FAM117A: variants seen among roughly 807,000 people sequenced by gnomAD.
FAM117A encodes the protein protein FAM117A.
A neutral mutation model predicts 44.1 loss-of-function variants in FAM117A; 21 were observed. The ratio of observed to expected loss-of-function variants is 0.48; its 90% CI spans 0.34 to 0.69. FAM117A has a LOEUF of 0.69. Among genes scored for constraint, FAM117A ranks in the 30% least tolerant of loss-of-function variants. FAM117A has a pLI of 0.01. For synonymous variants in FAM117A, 220 were observed against 238.3 expected (o/e 0.92, Z 0.71); for missense variants, 498 against 589.9 (o/e 0.84, Z 1.61).
At chr17:49,764,378 G>C (rs1314471328), upstream of FAM117A, among the ~76,000 whole-genome samples, 1 of 152,184 alleles carries the variant, frequency 6.6e-6, no homozygotes, top group Non-Finnish European at 1.5e-5. Context: ...GTACAGAAGA[G>C]GGCTGGTTCT....
At chr17:49,769,221 G>A (rs1299069034) in intron 1 of FAM117A, among the ~76,000 whole-genome samples, 1 of 152,048 alleles carries the variant, frequency 6.6e-6, no homozygotes, top group Non-Finnish European at 1.5e-5. Context: ...CTTGAACCCG[G>A]GAGGCGGAGG....
intron 1 of FAM117A, among the ~76,000 whole-genome samples, chr17:49,752,248 T>C (rs2073680592): frequency 6.6e-6 from 1 of 152,182 alleles, no homozygotes; most frequent in Admixed American, 6.5e-5. Flanking sequence ...CTATTTCCCT[T>C]ACTGGGCACA....
chr17:49,732,383 T>G, intron 2 of FAM117A, 168 bp downstream of exon 2: 1 of 620,022 alleles, frequency 1.6e-6, no homozygotes, highest in Non-Finnish European at 2.7e-6. Flanking sequence ...CCAGCCTGGG[T>G]GACAAAAGGA....
At chr17:49,767,417 C>G (rs2073748626), upstream of FAM117A, among the ~76,000 whole-genome samples, 1 of 152,212 alleles carries the variant, frequency 6.6e-6, no homozygotes, top group Non-Finnish European at 1.5e-5. Flanking sequence ...GTGCCAGACA[C>G]TGAGCTAGGC....
intron 2 of FAM117A, among the ~76,000 whole-genome samples, chr17:49,724,822 G>GAAAAAAAAAAAAAAAA (rs906558600): frequency 4.6e-5 from 2 of 43,548 alleles, no homozygotes; most frequent in African/African-American, 8.1e-5. Context: ...ACAGTCTCAA[G>GAAAAAAAAAAAAAAAA]AAAAAAAAAA....
intron 1 of FAM117A, among the ~76,000 whole-genome samples, chr17:49,757,023 C>G (rs2073701717): frequency 6.6e-6 from 1 of 152,146 alleles, no homozygotes; most frequent in Admixed American, 6.5e-5. Context: ...CAGACAGTCT[C>G]TGAGAGAAAA....
At chr17:49,747,687 A>G (rs2073659331) in intron 1 of FAM117A, among the ~76,000 whole-genome samples, 1 of 152,176 alleles carries the variant, frequency 6.6e-6, no homozygotes, top group South Asian at 2.1e-4. Context: ...AGCTTCAAAA[A>G]GGGGAGATAC....
At chr17:49,772,810 A>G (rs2073765019) in intron 1 of FAM117A, among the ~76,000 whole-genome samples, 1 of 152,198 alleles carries the variant, frequency 6.6e-6, no homozygotes, top group Admixed American at 6.5e-5. Flanking sequence ...TAATTTGAAA[A>G]GTGGTCTATG....
chr17:49,755,673 C>T (rs903602640), intron 1 of FAM117A, among the ~76,000 whole-genome samples: 1 of 152,166 alleles, frequency 6.6e-6, no homozygotes. Flanking sequence ...GCCCAATGAC[C>T]AGGATGAATA....
chr17:49,766,083 ATACTT>A (rs1358814212), upstream of FAM117A, among the ~76,000 whole-genome samples: 1 of 152,220 alleles, frequency 6.6e-6, no homozygotes, highest in Non-Finnish European at 1.5e-5. Flanking sequence ...AGTACCATGC[ATACTT>A]TATCTTATTT....
intron 1 of FAM117A, among the ~76,000 whole-genome samples, chr17:49,756,898 T>C (rs1377820412): frequency 1.5e-5 from 2 of 132,116 alleles, no homozygotes; most frequent in East Asian, 2.2e-4. Flanking sequence ...GCTTGAGCTA[T>C]AGAATGAGAC....
chr17:49,753,324 C>T (rs988993261), intron 1 of FAM117A, among the ~76,000 whole-genome samples: 6 of 152,304 alleles, frequency 3.9e-5, no homozygotes, highest in African/African-American at 1.4e-4. Flanking sequence ...GTGGGAAATG[C>T]CCTTTGCCTA....
intron 1 of FAM117A, among the ~76,000 whole-genome samples, chr17:49,753,339 A>G (rs2073684754): frequency 6.6e-6 from 1 of 152,238 alleles, no homozygotes; most frequent in South Asian, 2.1e-4. Context: ...TGCCTAATTA[A>G]GCAAAAGGGG....
rs187344552 is a variant in FAM117A at position 49,760,553 on chromosome 17, G to A, written c.196+3339C>T. 4.8e-3 allele frequency among the ~76,000 whole-genome samples: 738 copies of A among 152,310 alleles called. 3 individuals are homozygous for A. Among genetic ancestry groups the A allele is most frequent in the Non-Finnish European group, 7.9e-3 (538 of 68,026 alleles). ...TGTAGACCATAACTGCCAATCCCTG[G>A]TTAAAGAAGGTTCTGGTGGTCAGAG... On this transcript the variant is annotated intron_variant, in intron 1 of 7. Coordinates refer to ENST00000240364, the MANE Select transcript of FAM117A (RefSeq NM_030802.4).
upstream of FAM117A, among the ~76,000 whole-genome samples, chr17:49,766,133 T>A (rs913659187): frequency 9.9e-5 from 15 of 152,240 alleles, no homozygotes; most frequent in African/African-American, 3.6e-4. Context: ...ATGGGTATTA[T>A]TTCCTCTTCA....
intron 1 of FAM117A, among the ~76,000 whole-genome samples, chr17:49,754,592 C>T (rs2073690739): frequency 1.3e-5 from 2 of 152,028 alleles, no homozygotes; most frequent in South Asian, 4.2e-4. Context: ...GCGTGAGCCA[C>T]CGTGCCCGGC....
At chr17:49,748,864 A>G (rs918018886) in intron 1 of FAM117A, among the ~76,000 whole-genome samples, 3 of 152,226 alleles carry the variant, frequency 2.0e-5, no homozygotes, top group African/African-American at 7.2e-5. Flanking sequence ...GAGTACAAAC[A>G]GGTGCATAAC....
chr17:49,723,513 G>A (rs1050671909), intron 2 of FAM117A, among the ~76,000 whole-genome samples: 2 of 152,198 alleles, frequency 1.3e-5, no homozygotes, highest in Non-Finnish European at 2.9e-5. Flanking sequence ...CAAGGGAGGG[G>A]CCCAAGGGGG....
rs780084120 is a variant in FAM117A at position 49,720,309 on chromosome 17, T to A, written c.573+17A>T. ...TGGAGGAGAACAGAGGGGAGAGGGC[T>A]GGGGGAGAAAACATACCCTCAGTGC... is the stretch of plus-strand genomic sequence containing the variant. On this transcript the variant is annotated intron_variant, in intron 4 of 7. Transcript: ENST00000240364. The A allele has an allele frequency of 3.1e-6, 5 of 1,597,202 alleles. No individual in the cohort carries two copies. In the Admixed American group the frequency reaches 8.3e-5, roughly 27 times the overall value.
Sources: allele counts gnomAD v4.1 joint callset (sites outside exome capture counted in the v4.1 genomes callset), GRCh38; gene constraint gnomAD v4.1.1; transcripts MANE v1.5; gene names NCBI Gene and HGNC (gene_info 2026-07-23, HGNC 2026-07-21).